Variants in FN1 observed in about 807,000 individuals in gnomAD.
The protein encoded by FN1 is fibronectin 1.
A neutral mutation model predicts 297.3 loss-of-function variants in FN1; 106 were observed. The ratio of observed to expected loss-of-function variants is 0.36; its 90% CI spans 0.30 to 0.42. FN1 has a LOEUF of 0.42. Among genes scored for constraint, FN1 ranks in the 10% least tolerant of loss-of-function variants. FN1 has a pLI of 1.00. For missense variants in FN1, 2,690 were observed against 3,124.9 expected, an observed-to-expected ratio of 0.86 and a Z score of 3.32; for synonymous variants, 1,149 against 1,152.6, an observed-to-expected ratio of 1.00 and a Z score of 0.06.
At chr2:215,400,769 A>AG (rs1235533089) in intron 20 of FN1, among the ~76,000 whole-genome samples, 5 of 150,744 alleles carry the variant, frequency 3.3e-5, no homozygotes, top group South Asian at 2.1e-4. Context: ...AAAAAAAAAA[A>AG]AAAAAAGAAA....
intron 42 of FN1, 68 bp downstream of exon 42, chr2:215,367,795 G>T: frequency 6.7e-7 from 1 of 1,490,498 alleles, no homozygotes; most frequent in Non-Finnish European, 9.4e-7. Context: ...TGCTTCCTTG[G>T]CACATGAGTG....
At position 215,386,867 on chromosome 2, in the gene FN1, G is replaced by C; in HGVS notation, c.4434C>G (p.Gly1478=). 6.2e-7 allele frequency: 1 copy of C among 1,613,936 alleles called. No individual in the cohort carries two copies. Among genetic ancestry groups the C allele is most frequent in the Non-Finnish European group, 8.5e-7 (1 of 1,179,972 alleles). Residue 1478 remains glycine, a synonymous_variant, in exon 28 of 46, where the codon GGC becomes GGG. Coordinates refer to ENST00000354785, the MANE Select transcript of FN1 (RefSeq NM_212482.4). ...GCTCGGGATGATGGCGGATCCTGTA[G>C]CCAGTGATGGTGGCTCGAGGAGCAA... ...HWIAPRATIT[G]YRIRHHPEHF...
At position 215,392,988 on chromosome 2, in the gene FN1, C is replaced by T. The variant is rs375642491; in HGVS notation, c.4012G>A (p.Val1338Ile). The T allele has an allele frequency of 1.2e-5, 20 of 1,613,732 alleles. No homozygotes were observed. In the African/African-American group the frequency reaches 1.3e-4, roughly 11 times the overall value. Residue 1338 changes from valine to isoleucine, a missense_variant, in exon 25 of 46, where the codon GTT (valine) becomes ATT (isoleucine). Transcript: ENST00000354785. Reference protein sequence around the residue: ...LEPGIDYDISVITLINGGESA... With the variant: ...LEPGIDYDISIITLINGGESA... ...TCGCCGCCATTAATGAGAGTGATAA[C>T]GCTGATATCATAGTCAATGCCCGGC...
intron 12 of FN1, among the ~76,000 whole-genome samples, chr2:215,416,084 C>T (rs1415994380): frequency 6.6e-6 from 1 of 152,072 alleles, no homozygotes. Flanking sequence ...GATTTTCAAA[C>T]TTTATTATCT....
chr2:215,435,075 A>T (rs2067225477), intron 1 of FN1, among the ~76,000 whole-genome samples: 1 of 152,240 alleles, frequency 6.6e-6, no homozygotes, highest in Non-Finnish European at 1.5e-5. Context: ...AGTAATAGTC[A>T]AAAAGGACAA....
intron 13 of FN1, 92 bp downstream of exon 13, chr2:215,414,745 G>C: frequency 1.3e-6 from 2 of 1,579,656 alleles, no homozygotes; most frequent in Non-Finnish European, 1.7e-6. Flanking sequence ...GTTAATCAGA[G>C]TTGTTGGCTC....
rs138618465 is a variant in FN1, at chr2:215,427,105, G to A, written c.844+1075C>T. Among the ~76,000 whole-genome samples the A allele has an allele frequency of 4.0e-3, 602 of 152,188 alleles. 4 individuals carry two copies. The highest frequency in any genetic ancestry group is 6.9e-3 in the Non-Finnish European group (471 of 68,004). ...TTAGCCAGGATGGTCTTGATCTCCT[G>A]ACCTCGTGATCCGCCTGCCTCGGCC... is the stretch of plus-strand genomic sequence containing the variant. On this transcript the variant is annotated intron_variant, in intron 6 of 45. Transcript: ENST00000354785.
At chr2:215,412,655 C>T (rs1413426866) in intron 13 of FN1, among the ~76,000 whole-genome samples, 3 of 152,056 alleles carry the variant, frequency 2.0e-5, no homozygotes, top group Admixed American at 6.5e-5. Context: ...AATAATACCA[C>T]CCTTTCCTTC....
At chr2:215,432,288 C>T (rs919164912) in intron 3 of FN1, among the ~76,000 whole-genome samples, 2 of 152,156 alleles carry the variant, frequency 1.3e-5, no homozygotes, top group African/African-American at 4.8e-5. Context: ...CACTCATACA[C>T]AGCAGGCTAA....
chr2:215,411,652 C>T (rs13021679), intron 13 of FN1, among the ~76,000 whole-genome samples: 39,933 of 149,096 alleles, frequency 0.27, 6,966 homozygotes, highest in East Asian at 0.93. Context: ...TGAAGACTTT[C>T]CAATTCAATG....
chr2:215,375,165 T>G, intron 38 of FN1, 49 bp downstream of exon 38: 1 of 1,564,308 alleles, frequency 6.4e-7, no homozygotes, highest in South Asian at 1.1e-5. Context: ...AAGGACTTCA[T>G]GTGTCCTAGG....
At chr2:215,399,110 C>A in intron 21 of FN1, 147 bp downstream of exon 21, 1 of 702,566 alleles carries the variant, frequency 1.4e-6, no homozygotes, top group Non-Finnish European at 2.6e-6. Context: ...GACTGTTAGG[C>A]CCTGACAATG....
In FN1 at chr2:215,430,902, G is replaced by A. The variant is rs374556053; in HGVS notation, c.548-50C>T. 1.2e-4 allele frequency: 191 copies of A among 1,597,854 alleles called. No individual in the cohort carries two copies. In the African/African-American group the frequency reaches 2.0e-3, roughly 17 times the overall value. On this transcript the variant is annotated intron_variant, in intron 4 of 45. Transcript: ENST00000354785. ...CAGGAAAAAAAGGTTATTTTGAATT[G>A]TGCAAGCTCCCTGTAATTTAAAGTG...
chr2:215,361,991 C>A lies in FN1; in HGVS notation c.7340G>T (p.Arg2447Ile). Residue 2447 changes from arginine to isoleucine, a missense_variant, in exon 45 of 46, where the codon AGA (arginine) becomes ATA (isoleucine). Physicochemically the swap from Arg to Ile is moderately conservative, Grantham distance 97. Transcript: ENST00000354785. ...TGQSYNQYSQ[R>I]YHQRTNTNVN... ...TACAGTGTTTGTTCTCTGATGGTAT[C>A]TCTGAGAATACTGGTTGTAGGACTG... 6.2e-7 allele frequency: 1 copy of A among 1,613,354 alleles called. No homozygotes were observed.
intron 7 of FN1, among the ~76,000 whole-genome samples, chr2:215,424,643 T>A (rs1356503298): frequency 6.6e-6 from 1 of 152,186 alleles, no homozygotes; most frequent in Admixed American, 6.6e-5. Flanking sequence ...GGGATAATAT[T>A]TATGACTATA....
rs1363929022 is a variant in FN1 at position 215,368,037 on chromosome 2, A to G, written c.6854-10T>C. 6.2e-7 allele frequency: 1 copy of G among 1,614,038 alleles called. No homozygotes were observed. Among genetic ancestry groups the G allele is most frequent in the Non-Finnish European group, 8.5e-7 (1 of 1,179,892 alleles). On this transcript the variant is annotated splice_polypyrimidine_tract_variant and intron_variant, in intron 41 of 45. Coordinates refer to ENST00000354785, the MANE Select transcript of FN1 (RefSeq NM_212482.4). ...TTCAAGCCTTCGTTGACTATGAAGAAAAGGAAGAAAAAGCAAAAAGAGACA... is the reference window on the plus strand; with the variant it reads ...TTCAAGCCTTCGTTGACTATGAAGAGAAGGAAGAAAAAGCAAAAAGAGACA...
intron 24 of FN1, 76 bp downstream of exon 24, chr2:215,394,452 A>T (rs2060068843): frequency 4.1e-6 from 5 of 1,213,412 alleles, no homozygotes; most frequent in Non-Finnish European, 6.1e-6. Flanking sequence ...ACCCTTAAGC[A>T]TCTGGGGATT....
chr2:215,426,618 C>T (rs114865117), intron 6 of FN1, among the ~76,000 whole-genome samples: 2,702 of 152,166 alleles, frequency 0.018, 84 homozygotes, highest in African/African-American at 0.061. Flanking sequence ...CAAGGTCAAA[C>T]GTACTAGGGA....
In FN1 at chr2:215,414,886, T is replaced by C; in HGVS notation, c.1892A>G (p.Asn631Ser). The C allele has an allele frequency of 1.2e-6, 2 of 1,613,870 alleles. No individual in the cohort carries two copies. ...SQPNSHPIQW[N>S]APQPSHISKY... Reference sequence around the variant, plus strand: ...GGAAATGTGAGATGGCTGTGGTGCATTCCACTGGATGGGGTGGGAGTTGGG... The same window carrying C: ...GGAAATGTGAGATGGCTGTGGTGCACTCCACTGGATGGGGTGGGAGTTGGG... The change falls in exon 13 of 46, where the codon AAT (asparagine) becomes AGT (serine). Residue 631 changes from asparagine (N) to serine (S), a missense_variant. By Grantham distance (46) the Asn-to-Ser change is conservative. Transcript: ENST00000354785.
Sources: allele counts gnomAD v4.1 joint callset (sites outside exome capture counted in the v4.1 genomes callset), GRCh38; gene constraint gnomAD v4.1.1; transcripts MANE v1.5; gene names NCBI Gene and HGNC (gene_info 2026-07-23, HGNC 2026-07-21).